NCMAP: variants seen among roughly 807,000 people sequenced by gnomAD.
The protein encoded by NCMAP is non-compact myelin associated protein, also known as noncompact myelin-associated protein.
NCMAP carries 8 observed loss-of-function variants against 7.8 expected under a neutral mutation model. The observed-to-expected ratio is 1.02, with a 90% CI of 0.60 to 1.84. NCMAP has a LOEUF of 1.84. NCMAP is among the 40% of genes most tolerant of loss of function. The pLI is 0.00. For missense variants in NCMAP, 112 were observed against 131.4 expected (o/e 0.85, Z 0.72); for synonymous variants, 41 against 52.9 (o/e 0.78, Z 0.98).
chr1:24,581,177 T>C (rs1651732400), intron 1 of NCMAP, among the ~76,000 whole-genome samples: 1 of 151,032 alleles, frequency 6.6e-6, no homozygotes, highest in Non-Finnish European at 1.5e-5. Flanking sequence ...AGAGCAGTGG[T>C]GCTATTTTGG....
chr1:24,588,898 C>G (rs887018144), intron 1 of NCMAP, among the ~76,000 whole-genome samples: 2 of 152,234 alleles, frequency 1.3e-5, no homozygotes, highest in Admixed American at 6.5e-5. Context: ...TCATCAAAGC[C>G]CCACATTGAT....
chr1:24,593,867 T>C lies in NCMAP; in HGVS notation c.-7-1557T>C, dbSNP rs1212791415. Among the ~76,000 whole-genome samples the C allele has an allele frequency of 5.7e-5, 8 of 140,848 alleles. No individual in the cohort carries two copies. In the East Asian group the frequency reaches 1.6e-3, roughly 29 times the overall value. 92.4% of individuals were successfully genotyped at this position (140,848 alleles called of 152,430 possible). On this transcript the variant is annotated intron_variant, in intron 1 of 3. Transcript: ENST00000374392. The stretch of plus-strand genomic sequence containing the variant: ...CTATAGTTCAGAGCGATTATTTATT[T>C]ATTTATTTATTTATTTATTTATTTA...
At chr1:24,568,138 G>A (rs893062480) in intron 1 of NCMAP, among the ~76,000 whole-genome samples, 7 of 152,170 alleles carry the variant, frequency 4.6e-5, no homozygotes, top group Middle Eastern at 3.4e-3. Flanking sequence ...TCCTTGTCAC[G>A]GCCTCCCTCT....
rs181979163 is a variant in NCMAP, at chr1:24,592,644, C to T, written c.-7-2780C>T. On this transcript the variant is annotated intron_variant, in intron 1 of 3. Coordinates refer to ENST00000374392, the MANE Select transcript of NCMAP (RefSeq NM_001010980.5). ...CTTATAAAGAAGAACTGGGACCAGG[C>T]GCAGTGGCTCACACCTGTAATCCCA... 9.7e-4 allele frequency among the ~76,000 whole-genome samples: 147 copies of T among 152,192 alleles called. 1 individual carries two copies. Among genetic ancestry groups the T allele is most frequent in the Non-Finnish European group, 3.5e-4 (24 of 68,018 alleles).
chr1:24,589,265 T>A (rs1489616102), intron 1 of NCMAP, among the ~76,000 whole-genome samples: 1 of 152,138 alleles, frequency 6.6e-6, no homozygotes, highest in East Asian at 1.9e-4. Flanking sequence ...GTGTTTTCTA[T>A]GGTCATGGCC....
intron 1 of NCMAP, among the ~76,000 whole-genome samples, chr1:24,577,467 T>C (rs922144454): frequency 7.0e-6 from 1 of 142,756 alleles, no homozygotes; most frequent in Non-Finnish European, 1.5e-5. Flanking sequence ...TAGAGATGGG[T>C]TCTCACTACG....
At chr1:24,568,733 T>C (rs1570515895) in intron 1 of NCMAP, among the ~76,000 whole-genome samples, 1 of 152,302 alleles carries the variant, frequency 6.6e-6, no homozygotes, top group East Asian at 1.9e-4. Flanking sequence ...TACTGGTTCA[T>C]TTTCAAGCAT....
chr1:24,566,898 A>T (rs1165861202), intron 1 of NCMAP, among the ~76,000 whole-genome samples: 1 of 152,136 alleles, frequency 6.6e-6, no homozygotes, highest in African/African-American at 2.4e-5. Context: ...TAGCTTCTAG[A>T]TCCCCTCTTG....
intron 2 of NCMAP, among the ~76,000 whole-genome samples, chr1:24,598,411 G>A (rs1652334941): frequency 6.6e-6 from 1 of 151,882 alleles, no homozygotes; most frequent in Admixed American, 6.6e-5. Context: ...CCCCCCAAGG[G>A]GACCTGCTAT....
intron 1 of NCMAP, among the ~76,000 whole-genome samples, chr1:24,572,035 G>T (rs1206658701): frequency 6.6e-6 from 1 of 150,896 alleles, no homozygotes; most frequent in African/African-American, 2.5e-5. Flanking sequence ...GGGGCACCAC[G>T]CTGGACAGCA....
intron 2 of NCMAP, among the ~76,000 whole-genome samples, chr1:24,600,030 C>T (rs982968860): frequency 6.6e-6 from 1 of 151,838 alleles, no homozygotes; most frequent in African/African-American, 2.4e-5. Context: ...GAGATAGAGT[C>T]TTGCCATCTT....
intron 2 of NCMAP, among the ~76,000 whole-genome samples, chr1:24,600,466 C>A (rs945989345): frequency 2.6e-5 from 4 of 152,192 alleles, no homozygotes; most frequent in Non-Finnish European, 5.9e-5. Context: ...TAGATATTTA[C>A]CATGCATCAA....
chr1:24,580,927 G>A (rs777182048), intron 1 of NCMAP, among the ~76,000 whole-genome samples: 21 of 152,294 alleles, frequency 1.4e-4, no homozygotes, highest in South Asian at 2.1e-4. Context: ...CTCAGCCGTC[G>A]GCTTTTCCGG....
intron 1 of NCMAP, among the ~76,000 whole-genome samples, chr1:24,561,546 A>G (rs1651054052): frequency 6.6e-6 from 1 of 152,198 alleles, no homozygotes; most frequent in African/African-American, 2.4e-5. Flanking sequence ...TAACAAGCAC[A>G]GGGATGAAAC....
chr1:24,565,848 T>C (rs1651213596), intron 1 of NCMAP, among the ~76,000 whole-genome samples: 1 of 152,144 alleles, frequency 6.6e-6, no homozygotes, highest in Non-Finnish European at 1.5e-5. Flanking sequence ...ACAAATTTCA[T>C]CTTGAATCAT....
intron 1 of NCMAP, among the ~76,000 whole-genome samples, chr1:24,556,885 AGGT>A (rs1199344814): frequency 5.3e-5 from 8 of 152,064 alleles, no homozygotes; most frequent in Non-Finnish European, 1.5e-5. Context: ...GGGAAAGGAA[AGGT>A]GGTGGTTAGG....
intron 1 of NCMAP, among the ~76,000 whole-genome samples, chr1:24,566,502 C>T (rs6659887): frequency 0.13 from 19,849 of 151,968 alleles, 1,828 homozygotes; most frequent in African/African-American, 0.26. Flanking sequence ...TTCTGCCTGG[C>T]GGGGGAAGGG....
At chr1:24,605,502 C>T (rs879149428) in intron 3 of NCMAP, 104 bp from the exon 4 acceptor site, 1 of 1,317,800 alleles carries the variant, frequency 7.6e-7, no homozygotes, top group South Asian at 1.4e-5. Flanking sequence ...TTAATGTCTA[C>T]ATTAATCTAC....
intron 1 of NCMAP, among the ~76,000 whole-genome samples, chr1:24,583,717 GAAAAAA>G (rs71032830): frequency 7.7e-5 from 8 of 104,072 alleles, no homozygotes; most frequent in Non-Finnish European, 1.5e-4. Context: ...CTCCGTCTCA[GAAAAAA>G]AAAAAAAAAA....
Sources: allele counts gnomAD v4.1 joint callset (sites outside exome capture counted in the v4.1 genomes callset), GRCh38; gene constraint gnomAD v4.1.1; transcripts MANE v1.5; gene names NCBI Gene and HGNC (gene_info 2026-07-23, HGNC 2026-07-21).